The following SND1 variants were observed in gnomAD, a reference collection of about 807,000 sequenced individuals.
SND1 encodes the protein staphylococcal nuclease domain-containing protein 1.
Under a neutral mutation model 121.7 loss-of-function variants are expected in SND1, and 38 were observed. The ratio of observed to expected loss-of-function variants is 0.31; its 90% confidence interval spans 0.24 to 0.41. The LOEUF (loss-of-function observed/expected upper bound fraction) is 0.41, where lower values mean the gene tolerates loss of function less well. SND1 is among the 10% of genes least tolerant of loss of function. The pLI is 1.00. For synonymous variants in SND1, 401 were observed against 447.4 expected, an observed-to-expected ratio of 0.90 and a Z score of 1.31; for missense variants, 868 against 1,184.6, an observed-to-expected ratio of 0.73 and a Z score of 3.92.
intron 2 of SND1, among the ~76,000 whole-genome samples, chr7:127,687,611 G>A (rs1795836560): frequency 6.6e-6 from 1 of 152,148 alleles, no homozygotes; most frequent in African/African-American, 2.4e-5. Context: ...TAGGATGCTG[G>A]CCTCTAGCTC....
chr7:127,666,493 G>A (rs1795421021), intron 1 of SND1, among the ~76,000 whole-genome samples: 1 of 152,038 alleles, frequency 6.6e-6, no homozygotes, highest in Non-Finnish European at 1.5e-5. Context: ...CAGTAAAGGT[G>A]GCCCCTGAGT....
At chr7:127,929,550 T>G (rs1000049596) in intron 15 of SND1, among the ~76,000 whole-genome samples, 45 of 152,104 alleles carry the variant, frequency 3.0e-4, no homozygotes, top group African/African-American at 1.1e-3. Context: ...AAGCACAGGA[T>G]GTAGGAGTAG....
intron 15 of SND1, among the ~76,000 whole-genome samples, chr7:127,958,122 C>T (rs1190699106): frequency 6.6e-6 from 1 of 152,192 alleles, no homozygotes; most frequent in Non-Finnish European, 1.5e-5. Flanking sequence ...AAACAAAAGG[C>T]CAGTAGAATC....
chr7:127,821,236 A>G (rs1414970938), intron 11 of SND1, among the ~76,000 whole-genome samples: 2 of 152,160 alleles, frequency 1.3e-5, no homozygotes, highest in East Asian at 3.9e-4. Flanking sequence ...GGGCCAGTGT[A>G]TGTGTGTCCT....
At chr7:127,833,110 C>A (rs1798794320) in intron 11 of SND1, among the ~76,000 whole-genome samples, 1 of 152,016 alleles carries the variant, frequency 6.6e-6, no homozygotes, top group Non-Finnish European at 1.5e-5. Context: ...TATTTTATAT[C>A]CTGAGAAAGG....
At chr7:127,784,053 T>A (rs1336291024) in intron 10 of SND1, among the ~76,000 whole-genome samples, 1 of 152,240 alleles carries the variant, frequency 6.6e-6, no homozygotes, top group Non-Finnish European at 1.5e-5. Context: ...GTTGAGTTTC[T>A]ACATATGGGT....
chr7:128,028,606 C>T, intron 16 of SND1: 3 of 1,410,670 alleles, frequency 2.1e-6, no homozygotes, highest in Non-Finnish European at 2.9e-6. Flanking sequence ...AAAAGTCTCT[C>T]CCCACTCTGT....
chr7:127,862,449 C>T (rs1287484225), intron 12 of SND1, among the ~76,000 whole-genome samples: 1 of 152,170 alleles, frequency 6.6e-6, no homozygotes, highest in Admixed American at 6.5e-5. Flanking sequence ...CCTGTAATAA[C>T]AAAATTGCTG....
At position 127,729,439 on chromosome 7, in the gene SND1, CTTTTTTTT is replaced by C. The variant is rs10712716; in HGVS notation, c.1152+8055_1152+8062del. Among the ~76,000 whole-genome samples the C allele has an allele frequency of 9.5e-3, 926 of 97,336 alleles. 11 individuals are homozygous for C. Among genetic ancestry groups the C allele is most frequent in the African/African-American group, 0.033 (868 of 26,096 alleles). The allele number at this position is 97,336 out of a possible 152,430, so 63.9% of individuals were successfully genotyped here. ...ACCTACACTGTGTTTAGATAAATTA[CTTTTTTTT>C]TTTTTTTTTTTTTTTACATAACATT... On this transcript the variant is annotated intron_variant, in intron 10 of 23. Transcript: ENST00000354725.
At chr7:127,889,186 A>ACG (rs1799963757) in intron 13 of SND1, among the ~76,000 whole-genome samples, 2 of 152,014 alleles carry the variant, frequency 1.3e-5, no homozygotes, top group Non-Finnish European at 2.9e-5. Flanking sequence ...TTGGTTTTTT[A>ACG]AAGCTCATTA....
At chr7:128,017,855 G>C (rs967843753) in intron 16 of SND1, among the ~76,000 whole-genome samples, 2 of 152,340 alleles carry the variant, frequency 1.3e-5, no homozygotes, top group Middle Eastern at 3.4e-3. Context: ...AGTTGCTCCT[G>C]ACCTTCCTTG....
intron 11 of SND1, among the ~76,000 whole-genome samples, chr7:127,810,413 C>G (rs1347347920): frequency 6.6e-6 from 1 of 152,190 alleles, no homozygotes; most frequent in Non-Finnish European, 1.5e-5. Context: ...GTAGAACTCT[C>G]TTCCCATCTC....
At chr7:127,938,472 A>C (rs1801112874) in intron 15 of SND1, among the ~76,000 whole-genome samples, 1 of 152,242 alleles carries the variant, frequency 6.6e-6, no homozygotes, top group African/African-American at 2.4e-5. Context: ...CTAGTATGAG[A>C]ATACAGAGCA....
At chr7:127,947,239 A>G (rs1801347948) in intron 15 of SND1, among the ~76,000 whole-genome samples, 1 of 152,212 alleles carries the variant, frequency 6.6e-6, no homozygotes, top group South Asian at 2.1e-4. Flanking sequence ...ACCTAAAAGT[A>G]TAATAGCATT....
At chr7:127,691,779 ATTT>A (rs75566883) in intron 2 of SND1, among the ~76,000 whole-genome samples, 1 of 127,076 alleles carries the variant, frequency 7.9e-6, no homozygotes, top group African/African-American at 3.0e-5. Context: ...TGCCTGGCTA[ATTT>A]TTTTTTTTTT....
chr7:127,960,909 G>C (rs1486377695), intron 15 of SND1, among the ~76,000 whole-genome samples: 2 of 152,180 alleles, frequency 1.3e-5, no homozygotes, highest in Non-Finnish European at 2.9e-5. Flanking sequence ...TAAAGCTTAG[G>C]GGAATCCCAA....
chr7:127,658,030 C>T (rs988145434), intron 1 of SND1, among the ~76,000 whole-genome samples: 7 of 152,188 alleles, frequency 4.6e-5, no homozygotes, highest in African/African-American at 1.4e-4. Flanking sequence ...CACAGTGGCT[C>T]ATGCCTGTAA....
intron 10 of SND1, among the ~76,000 whole-genome samples, chr7:127,752,573 G>A (rs1490443506): frequency 6.6e-6 from 1 of 152,094 alleles, no homozygotes; most frequent in Non-Finnish European, 1.5e-5. Context: ...TAATGCAGGG[G>A]CCAGGATACT....
At chr7:127,904,151 C>T (rs1239279127) in intron 13 of SND1, among the ~76,000 whole-genome samples, 3 of 152,170 alleles carry the variant, frequency 2.0e-5, no homozygotes, top group African/African-American at 7.2e-5. Context: ...TTGGCAGAGT[C>T]CCAGAGTTCC....
Sources: gnomAD v4.1 joint callset for allele counts (sites outside exome capture counted in the v4.1 genomes callset) on GRCh38, gnomAD v4.1.1 for gene constraint, MANE v1.5 for transcripts, NCBI Gene and HGNC (gene_info 2026-07-23, HGNC 2026-07-21) for gene names.